Variants in DAB1 observed in about 807,000 individuals in gnomAD.
DAB1 encodes DAB adaptor protein 1.
A neutral mutation model predicts 64.6 loss-of-function variants in DAB1; 15 were observed. The observed-to-expected ratio is 0.23, with a 90% confidence interval of 0.16 to 0.36. DAB1 has a LOEUF of 0.36. Ranked by LOEUF, DAB1 falls within the 10% of genes least tolerant of loss-of-function variation. The probability of loss-of-function intolerance (pLI) is 1.00; values close to 1 mark genes in which losing one functional copy is unlikely to be tolerated. For synonymous variants in DAB1, 235 were observed against 251.9 expected, an observed-to-expected ratio of 0.93 and a Z score of 0.64; for missense variants, 596 against 706.7, an observed-to-expected ratio of 0.84 and a Z score of 1.78.
chr1:57,953,431 G>A (rs1645319787), intron 5 of DAB1, among the ~76,000 whole-genome samples: 1 of 152,152 alleles, frequency 6.6e-6, no homozygotes, highest in South Asian at 2.1e-4. Context: ...ACACCTGAAT[G>A]CTAGATATAG....
intron 2 of DAB1, among the ~76,000 whole-genome samples, chr1:57,167,047 A>G (rs1433248198): frequency 6.6e-6 from 1 of 152,216 alleles, no homozygotes; most frequent in Non-Finnish European, 1.5e-5. Context: ...TTACATTATT[A>G]CATAGTCATA....
chr1:58,073,583 T>A (rs1014863870), intron 5 of DAB1, among the ~76,000 whole-genome samples: 1 of 152,226 alleles, frequency 6.6e-6, no homozygotes. Flanking sequence ...TTGCTGAGTA[T>A]ATAGACAGAT....
intron 1 of DAB1, among the ~76,000 whole-genome samples, chr1:57,305,474 A>G (rs899442568): frequency 1.3e-5 from 2 of 152,214 alleles, no homozygotes; most frequent in African/African-American, 4.8e-5. Flanking sequence ...TGCAGTCCAC[A>G]CAGGTCAGCT....
intron 5 of DAB1, among the ~76,000 whole-genome samples, chr1:57,893,653 G>A (rs1019426998): frequency 8.5e-5 from 13 of 152,252 alleles, no homozygotes; most frequent in African/African-American, 3.1e-4. Context: ...GAATAATGGG[G>A]TGGCAGGGGT....
chr1:58,132,569 A>G (rs1034042509), intron 5 of DAB1, among the ~76,000 whole-genome samples: 2 of 152,150 alleles, frequency 1.3e-5, no homozygotes, highest in African/African-American at 4.8e-5. Context: ...ATCCGCCTGC[A>G]GTCTGCGTGA....
At chr1:57,926,416 C>A (rs1377378886) in intron 5 of DAB1, among the ~76,000 whole-genome samples, 1 of 152,094 alleles carries the variant, frequency 6.6e-6, no homozygotes, top group Non-Finnish European at 1.5e-5. Flanking sequence ...GTAAATTAGC[C>A]TGGACTTAGG....
At chr1:58,118,462 C>CTAATATT (rs1557657637) in intron 5 of DAB1, among the ~76,000 whole-genome samples, 861 of 80,148 alleles carry the variant, frequency 0.011, 36 homozygotes, top group African/African-American at 0.046. Context: ...CAGGCACTAT[C>CTAATATT]CTAAGGCATA....
At chr1:57,953,839 C>A (rs548186501) in intron 5 of DAB1, among the ~76,000 whole-genome samples, 1 of 152,242 alleles carries the variant, frequency 6.6e-6, no homozygotes, top group East Asian at 1.9e-4. Context: ...TGTCTGCTGG[C>A]CTTACCCTAT....
chr1:58,539,135 C>T (rs750974276), intron 1 of DAB1: 1 of 872,918 alleles, frequency 1.1e-6, no homozygotes, highest in African/African-American at 1.6e-5. Flanking sequence ...TGATTTACTC[C>T]CAGTCCCTGA....
At chr1:58,502,960 T>TC (rs1337266823) in intron 3 of DAB1, among the ~76,000 whole-genome samples, 5 of 152,196 alleles carry the variant, frequency 3.3e-5, no homozygotes, top group African/African-American at 1.2e-4. Context: ...CATCATTTGC[T>TC]CCCAAATAAA....
chr1:57,420,927 G>T (rs925374431), intron 1 of DAB1, among the ~76,000 whole-genome samples: 1 of 152,170 alleles, frequency 6.6e-6, no homozygotes, highest in African/African-American at 2.4e-5. Flanking sequence ...CATAAACTGT[G>T]ATTTTCTTGC....
At position 58,057,036 on chromosome 1, in the gene DAB1, C is replaced by T. The variant is rs1453888830; in HGVS notation, n.387+93475G>A. On this transcript the variant is annotated intron_variant and non_coding_transcript_variant, in intron 5 of 20. Coordinates refer to the DAB1 transcript ENST00000485760. ...TTTGAATTACTCTAATCCAGTGTAC[C>T]TTCTATTTTCTACTAGGACCCTAAT... Among the ~76,000 whole-genome samples the T allele has an allele frequency of 2.0e-5, 3 of 151,836 alleles. No individual in the cohort carries two copies. The East Asian group carries it at 5.8e-4, about 29-fold the overall frequency.
At chr1:58,048,362 C>T in intron 5 of DAB1, 2 of 971,976 alleles carry the variant, frequency 2.1e-6, no homozygotes, top group South Asian at 1.3e-5. Context: ...ATCACTGTAG[C>T]TTCCACCACC....
intron 5 of DAB1, among the ~76,000 whole-genome samples, chr1:58,063,331 A>T (rs1055186246): frequency 3.3e-5 from 5 of 152,168 alleles, no homozygotes. Context: ...CACCTTTACA[A>T]CAGCTGCAAA....
At chr1:58,358,474 G>A (rs942539271) in intron 3 of DAB1, among the ~76,000 whole-genome samples, 1 of 152,180 alleles carries the variant, frequency 6.6e-6, no homozygotes, top group African/African-American at 2.4e-5. Flanking sequence ...GACTGAACAT[G>A]ACTCATCTGA....
intron 2 of DAB1, among the ~76,000 whole-genome samples, chr1:58,512,569 A>G (rs1269137266): frequency 6.6e-6 from 1 of 152,212 alleles, no homozygotes; most frequent in East Asian, 1.9e-4. Context: ...ATTTGGCCTT[A>G]AAAAAGGAAA....
intron 2 of DAB1, among the ~76,000 whole-genome samples, chr1:58,514,493 G>T (rs551017469): frequency 1.1e-4 from 17 of 152,224 alleles, no homozygotes; most frequent in African/African-American, 4.1e-4. Context: ...CTCCAACAAA[G>T]CTCCTGTTAG....
intron 5 of DAB1, among the ~76,000 whole-genome samples, chr1:58,073,222 T>C (rs1271564183): frequency 3.3e-5 from 5 of 152,186 alleles, no homozygotes; most frequent in Non-Finnish European, 5.9e-5. Flanking sequence ...GCTTTGTCCA[T>C]TGTTCTGCCT....
intron 7 of DAB1, among the ~76,000 whole-genome samples, chr1:57,511,819 G>A (rs1380286925): frequency 6.6e-6 from 1 of 151,950 alleles, no homozygotes; most frequent in African/African-American, 2.4e-5. Flanking sequence ...TTGACCATCT[G>A]GCAAAGTCAC....
Sources: allele counts gnomAD v4.1 joint callset (sites outside exome capture counted in the v4.1 genomes callset), GRCh38; gene constraint gnomAD v4.1.1; transcripts MANE v1.5; gene names NCBI Gene and HGNC (gene_info 2026-07-23, HGNC 2026-07-21).